ACSS1: variants seen among roughly 807,000 people sequenced by gnomAD.
The protein encoded by ACSS1 is acetyl-coenzyme A synthetase 2-like, mitochondrial.
ACSS1 carries 42 observed loss-of-function variants against 75.3 expected under a neutral mutation model. The ratio of observed to expected loss-of-function variants is 0.56; its 90% confidence interval spans 0.44 to 0.72. The LOEUF (loss-of-function observed/expected upper bound fraction) is 0.72. Ranked by LOEUF, ACSS1 falls within the 30% of genes least tolerant of loss-of-function variation. The pLI, the probability that ACSS1 is intolerant of heterozygous loss-of-function variation, is 0.00. For missense variants in ACSS1, 782 were observed against 935.7 expected (o/e 0.84, Z 2.14); for synonymous variants, 380 against 376.8 (o/e 1.01, Z -0.10).
intron 3 of ACSS1, among the ~76,000 whole-genome samples, chr20:25,028,334 C>T (rs934297286): frequency 6.6e-6 from 1 of 152,152 alleles, no homozygotes; most frequent in African/African-American, 2.4e-5. Flanking sequence ...AGTTGGGAGA[C>T]TCACGCTTCC....
intron 2 of ACSS1, among the ~76,000 whole-genome samples, chr20:25,040,800 T>C (rs184589206): frequency 6.6e-6 from 1 of 152,230 alleles, no homozygotes; most frequent in Non-Finnish European, 1.5e-5. Context: ...TCCTCTATCT[T>C]TGCAGCCACA....
chr20:25,048,628 T>C (rs80009482), intron 1 of ACSS1, among the ~76,000 whole-genome samples: 3,776 of 152,324 alleles, frequency 0.025, 158 homozygotes, highest in African/African-American at 0.086. Flanking sequence ...GCAGTTCCCA[T>C]GTGCCCAGTG....
At chr20:25,013,089 G>A (rs890717723) in intron 10 of ACSS1, 150 bp from the exon 11 acceptor site, 2 of 1,229,770 alleles carry the variant, frequency 1.6e-6, no homozygotes, top group East Asian at 2.4e-5. Context: ...CTATGTTCTA[G>A]AGCATGGGCA....
chr20:25,013,728 C>A, intron 9 of ACSS1, 66 bp from the exon 10 acceptor site: 1 of 1,543,576 alleles, frequency 6.5e-7, no homozygotes, highest in Non-Finnish European at 8.7e-7. Flanking sequence ...CAAAAAATGA[C>A]AAGCCCTGCC....
intron 1 of ACSS1, among the ~76,000 whole-genome samples, chr20:25,053,198 G>A (rs965855301): frequency 6.6e-6 from 1 of 150,970 alleles, no homozygotes; most frequent in African/African-American, 2.4e-5. Flanking sequence ...CAAGTAACTG[G>A]GACTACAGGT....
intron 12 of ACSS1, chr20:25,009,720 T>G: frequency 4.0e-6 from 1 of 248,402 alleles, no homozygotes; most frequent in African/African-American, 2.3e-5. Flanking sequence ...AAATAACCCA[T>G]AATGTGGTTT....
intron 6 of ACSS1, 103 bp from the exon 7 acceptor site, chr20:25,020,250 C>A: frequency 1.4e-6 from 2 of 1,476,572 alleles, no homozygotes; most frequent in East Asian, 2.3e-5. Context: ...TGTGCAGACG[C>A]GCATATGTCC....
At chr20:25,038,043 C>T (rs539311675) in intron 2 of ACSS1, among the ~76,000 whole-genome samples, 7 of 152,186 alleles carry the variant, frequency 4.6e-5, no homozygotes, top group African/African-American at 1.4e-4. Flanking sequence ...AAGTGGCAGC[C>T]GCACTTGAAC....
At chr20:25,037,645 G>C (rs776847199) in intron 2 of ACSS1, among the ~76,000 whole-genome samples, 1 of 152,194 alleles carries the variant, frequency 6.6e-6, no homozygotes, top group Non-Finnish European at 1.5e-5. Flanking sequence ...TCTAGAATTT[G>C]ATATTTTCTT....
chr20:25,012,696 G>A (rs200044972), intron 11 of ACSS1, 32 bp from the exon 12 acceptor site: 1 of 1,614,030 alleles, frequency 6.2e-7, no homozygotes, highest in Non-Finnish European at 8.5e-7. Flanking sequence ...AGGGCAAAAT[G>A]TGGCGGCCCC....
rs1416190270 is a variant in ACSS1 at position 25,009,256 on chromosome 20, G to C, written c.1890+14C>G. On this transcript the variant is annotated intron_variant, in intron 13 of 13. Coordinates refer to ENST00000323482, the MANE Select transcript of ACSS1 (RefSeq NM_032501.4). ...ACAGCAGCACAGCCCCATCTTTGTG[G>C]GAGGCCCACTCACCAGGATCTCATC... is the stretch of plus-strand genomic sequence containing the variant. 1.3e-6 allele frequency: 2 copies of C among 1,585,008 alleles called. No individual in the cohort carries two copies. Among genetic ancestry groups the C allele is most frequent in the East Asian group, 4.5e-5 (2 of 44,748 alleles).
chr20:25,055,992 G>T (rs181544549), intron 1 of ACSS1, among the ~76,000 whole-genome samples: 48 of 152,300 alleles, frequency 3.2e-4, no homozygotes, highest in South Asian at 3.1e-3. Context: ...CTGCTGAAAA[G>T]CTGTTTTTCA....
At chr20:25,030,031 G>A (rs371437165) in intron 3 of ACSS1, among the ~76,000 whole-genome samples, 21 of 152,170 alleles carry the variant, frequency 1.4e-4, no homozygotes, top group African/African-American at 2.2e-4. Flanking sequence ...GAAAGGAAGC[G>A]GAAGGGCTTC....
chr20:25,054,261 T>C (rs1360429715), intron 1 of ACSS1, among the ~76,000 whole-genome samples: 2 of 152,202 alleles, frequency 1.3e-5, no homozygotes, highest in Non-Finnish European at 2.9e-5. Context: ...GCTGATCAGA[T>C]GCAAGCCCAT....
At chr20:25,056,457 TG>T (rs1203770095) in intron 1 of ACSS1, among the ~76,000 whole-genome samples, 1 of 151,922 alleles carries the variant, frequency 6.6e-6, no homozygotes, top group Non-Finnish European at 1.5e-5. Flanking sequence ...TTTCGGGGAG[TG>T]GGGGAGGTCC....
chr20:25,028,724 A>T (rs2088772497), intron 3 of ACSS1, among the ~76,000 whole-genome samples: 1 of 152,232 alleles, frequency 6.6e-6, no homozygotes, highest in South Asian at 2.1e-4. Context: ...GATCGAGACC[A>T]TCCTGGTCAA....
intron 2 of ACSS1, among the ~76,000 whole-genome samples, chr20:25,042,837 C>T (rs2089025761): frequency 6.6e-6 from 1 of 152,190 alleles, no homozygotes; most frequent in African/African-American, 2.4e-5. Flanking sequence ...CTTCACCTGG[C>T]CCTGACCTGC....
chr20:25,048,141 G>A lies in ACSS1; in HGVS notation c.375C>T (p.Ser125=), dbSNP rs766123167. The A allele has an allele frequency of 1.2e-5, 20 of 1,613,588 alleles. No homozygotes were observed. Among genetic ancestry groups the A allele is most frequent in the South Asian group, 3.3e-5 (3 of 91,038 alleles). Reference sequence around the variant, plus strand: ...CATCGCGCTCCCAGATCAAAGCAACGCTCTCGGGGGACTTCCGAACATGCT... The same window carrying A: ...CATCGCGCTCCCAGATCAAAGCAACACTCTCGGGGGACTTCCGAACATGCT... The part of the protein sequence containing the change: ...LDQHVRKSPE[S]VALIWERDEP... Residue 125 remains serine (S), a synonymous_variant, in exon 2 of 14, where the codon AGC becomes AGT. Coordinates refer to ENST00000323482, the MANE Select transcript of ACSS1 (RefSeq NM_032501.4).
intron 1 of ACSS1, among the ~76,000 whole-genome samples, chr20:25,052,890 G>T (rs945669748): frequency 2.0e-5 from 3 of 152,162 alleles, no homozygotes; most frequent in East Asian, 3.8e-4. Context: ...TTTTAAAAAG[G>T]CATTATAAGA....
Sources: allele counts gnomAD v4.1 joint callset (sites outside exome capture counted in the v4.1 genomes callset), GRCh38; gene constraint gnomAD v4.1.1; transcripts MANE v1.5; gene names NCBI Gene and HGNC (gene_info 2026-07-23, HGNC 2026-07-21).